Variants in EDIL3 observed in about 807,000 individuals in gnomAD.
The protein encoded by EDIL3 is EGF like and discoidin domains 3.
Under a neutral mutation model 67.4 loss-of-function variants are expected in EDIL3, and 37 were observed. The ratio of observed to expected loss-of-function variants is 0.55; its 90% CI spans 0.42 to 0.72. EDIL3 has a LOEUF of 0.72. Among genes scored for constraint, EDIL3 ranks in the 30% least tolerant of loss-of-function variants. The pLI is 0.00. For synonymous variants in EDIL3, 195 were observed against 196.3 expected (o/e 0.99, Z 0.05); for missense variants, 527 against 586.3 (o/e 0.90, Z 1.04).
chr5:84,345,540 G>GATAAAGATCAAATGATATGGCCCCTGCA (rs1329148547), intron 1 of EDIL3, among the ~76,000 whole-genome samples: 37 of 152,034 alleles, frequency 2.4e-4, no homozygotes, highest in African/African-American at 8.7e-4. Context: ...AAATATCTGA[G>GATAAAGATCAAATGATATGGCCCCTGCA]CTCTCCTCCA....
intron 5 of EDIL3, among the ~76,000 whole-genome samples, chr5:84,108,843 T>C (rs1352522439): frequency 1.3e-5 from 2 of 152,172 alleles, no homozygotes; most frequent in Non-Finnish European, 2.9e-5. Flanking sequence ...GTAAGTAGAC[T>C]AGCAGAGCTA....
At chr5:84,357,056 C>G (rs1747503553) in intron 1 of EDIL3, among the ~76,000 whole-genome samples, 1 of 151,452 alleles carries the variant, frequency 6.6e-6, no homozygotes, top group Non-Finnish European at 1.5e-5. Context: ...TCCTGAGTAG[C>G]TGGGATTACA....
At chr5:84,180,829 T>C (rs1749001652) in intron 3 of EDIL3, among the ~76,000 whole-genome samples, 1 of 152,140 alleles carries the variant, frequency 6.6e-6, no homozygotes, top group African/African-American at 2.4e-5. Flanking sequence ...TTCATACATA[T>C]AAAATACCCA....
At chr5:84,253,454 T>C (rs1034436801) in intron 2 of EDIL3, among the ~76,000 whole-genome samples, 1 of 152,198 alleles carries the variant, frequency 6.6e-6, no homozygotes, top group Non-Finnish European at 1.5e-5. Flanking sequence ...ATTTCCTTAA[T>C]GGGGACCTAT....
At chr5:84,304,811 C>T (rs1176104359) in intron 1 of EDIL3, among the ~76,000 whole-genome samples, 2 of 152,110 alleles carry the variant, frequency 1.3e-5, no homozygotes, top group African/African-American at 4.8e-5. Flanking sequence ...GCCAGGAAAT[C>T]TTGAGCAAGA....
rs553934334 is a variant in EDIL3 at position 84,052,601 on chromosome 5, G to A, written c.1137+7699C>T. ...GAGACACACATAGGCTCAAAATAAA[G>A]GGATGGAGGAAGATGTACCAAGCAA... On this transcript the variant is annotated intron_variant, in intron 9 of 10. Transcript: ENST00000296591. Among the ~76,000 whole-genome samples the A allele has an allele frequency of 2.6e-5, 4 of 152,184 alleles. No homozygotes were observed. In the East Asian group the frequency reaches 7.7e-4, roughly 29 times the overall value.
intron 1 of EDIL3, among the ~76,000 whole-genome samples, chr5:84,261,714 C>T (rs978844377): frequency 1.4e-4 from 21 of 152,134 alleles, no homozygotes; most frequent in African/African-American, 5.1e-4. Context: ...ACCTCAGTGT[C>T]CACAGAATCC....
At chr5:84,166,504 T>C (rs1279266521) in intron 4 of EDIL3, among the ~76,000 whole-genome samples, 1 of 152,198 alleles carries the variant, frequency 6.6e-6, no homozygotes, top group African/African-American at 2.4e-5. Context: ...AACAAATATT[T>C]ATCAAGCACC....
chr5:84,280,801 A>C (rs1745680378), intron 1 of EDIL3, among the ~76,000 whole-genome samples: 1 of 151,814 alleles, frequency 6.6e-6, no homozygotes, highest in African/African-American at 2.4e-5. Flanking sequence ...AAAAATAGCT[A>C]GGCGTGGTGG....
intron 4 of EDIL3, among the ~76,000 whole-genome samples, chr5:84,152,780 T>C (rs957502351): frequency 1.3e-5 from 2 of 152,214 alleles, no homozygotes; most frequent in Non-Finnish European, 2.9e-5. Flanking sequence ...AGAGGTGATA[T>C]TAATATCTTC....
intron 3 of EDIL3, among the ~76,000 whole-genome samples, chr5:84,183,833 C>T (rs958017227): frequency 6.6e-6 from 1 of 152,224 alleles, no homozygotes; most frequent in Admixed American, 6.5e-5. Flanking sequence ...TGGGCAGGTG[C>T]GGTGGCTCAC....
chr5:84,350,529 A>G (rs1369431789), intron 1 of EDIL3, among the ~76,000 whole-genome samples: 2 of 152,098 alleles, frequency 1.3e-5, no homozygotes, highest in Non-Finnish European at 2.9e-5. Context: ...GTTCAACCAT[A>G]GGCCAATCAT....
chr5:84,212,204 T>C (rs1744135428), intron 3 of EDIL3, among the ~76,000 whole-genome samples: 1 of 152,058 alleles, frequency 6.6e-6, no homozygotes, highest in Non-Finnish European at 1.5e-5. Context: ...AAGGAAAGGA[T>C]CTTGAGATGG....
chr5:84,066,993 T>G (rs1746654596), intron 6 of EDIL3, among the ~76,000 whole-genome samples: 1 of 152,172 alleles, frequency 6.6e-6, no homozygotes, highest in South Asian at 2.1e-4. Flanking sequence ...TAACTATTAA[T>G]GTGTATAAAC....
intron 6 of EDIL3, among the ~76,000 whole-genome samples, chr5:84,075,901 C>CACACAG (rs1364152174): frequency 1.3e-4 from 20 of 149,112 alleles, no homozygotes; most frequent in Non-Finnish European, 2.5e-4. Flanking sequence ...CACACACACA[C>CACACAG]ACACACACAC....
chr5:84,248,838 C>T (rs773633716), intron 2 of EDIL3, among the ~76,000 whole-genome samples: 15 of 152,122 alleles, frequency 9.9e-5, no homozygotes, highest in Non-Finnish European at 1.8e-4. Flanking sequence ...CAGTGACTCT[C>T]TCCTCTTCAT....
At chr5:84,370,489 G>T (rs749755790) in intron 1 of EDIL3, among the ~76,000 whole-genome samples, 3 of 152,204 alleles carry the variant, frequency 2.0e-5, no homozygotes, top group Non-Finnish European at 4.4e-5. Context: ...TAGTAGATCA[G>T]AGGGCTACCT....
At chr5:83,958,849 C>T (rs1370130456) in intron 10 of EDIL3, among the ~76,000 whole-genome samples, 1 of 151,274 alleles carries the variant, frequency 6.6e-6, no homozygotes, top group African/African-American at 2.4e-5. Flanking sequence ...AGCAAAGGAA[C>T]ATTTGACTTT....
At chr5:84,232,047 T>C (rs1397816373) in intron 2 of EDIL3, among the ~76,000 whole-genome samples, 3 of 152,226 alleles carry the variant, frequency 2.0e-5, no homozygotes, top group East Asian at 1.9e-4. Flanking sequence ...TTTGAGCTCA[T>C]GTCAGTGTGA....
Sources: allele counts gnomAD v4.1 joint callset (sites outside exome capture counted in the v4.1 genomes callset), GRCh38; gene constraint gnomAD v4.1.1; transcripts MANE v1.5; gene names NCBI Gene and HGNC (gene_info 2026-07-23, HGNC 2026-07-21).